The following SNX6 variants were observed in gnomAD, a reference collection of about 807,000 sequenced individuals.
The protein encoded by SNX6 is sorting nexin-6.
Under a neutral mutation model 63.0 loss-of-function variants are expected in SNX6, and 34 were observed. The ratio of observed to expected loss-of-function variants is 0.54; its 90% CI spans 0.41 to 0.72. SNX6 has a LOEUF of 0.72. Among genes scored for constraint, SNX6 ranks in the 30% least tolerant of loss-of-function variants. The pLI, the probability that SNX6 is intolerant of heterozygous loss-of-function variation, is 0.00. For missense variants in SNX6, 398 were observed against 471.4 expected, an observed-to-expected ratio of 0.84 and a Z score of 1.44; for synonymous variants, 170 against 164.2, an observed-to-expected ratio of 1.04 and a Z score of -0.27.
At chr14:34,625,415 G>A (rs1883788986) in intron 2 of SNX6, among the ~76,000 whole-genome samples, 1 of 152,072 alleles carries the variant, frequency 6.6e-6, no homozygotes, top group Non-Finnish European at 1.5e-5. Flanking sequence ...TGCACAAACA[G>A]AAACTCCTTG....
At chr14:34,629,746 G>A (rs971284793) in intron 2 of SNX6, 161 bp downstream of exon 2, 1 of 1,186,182 alleles carries the variant, frequency 8.4e-7, no homozygotes, top group Non-Finnish European at 1.2e-6. Flanking sequence ...AGGGAGGAAG[G>A]GCTGCGGGAG....
At position 34,593,065 on chromosome 14, in the gene SNX6, C is replaced by T. The variant is rs1277844702; in HGVS notation, c.698G>A (p.Arg233Lys). Residue 233 changes from arginine to lysine, a missense_variant, in exon 8 of 14, where the codon AGA (arginine) becomes AAA (lysine). Physicochemically the swap from Arg to Lys is conservative, Grantham distance 26. Transcript: ENST00000362031. ...RVKDASAKSD[R>K]MTRSHKSAAD... ...CTTACTTTTGTGGGATCTTGTCATTCTATCAGATTTAGCAGATGCATCCTT... is the reference window on the plus strand; with the variant it reads ...CTTACTTTTGTGGGATCTTGTCATTTTATCAGATTTAGCAGATGCATCCTT... 1.2e-6 allele frequency: 2 copies of T among 1,600,348 alleles called. No homozygotes were observed. Among genetic ancestry groups the T allele is most frequent in the Non-Finnish European group, 1.7e-6 (2 of 1,175,330 alleles).
chr14:34,591,037 A>G (rs1882371534), intron 8 of SNX6, among the ~76,000 whole-genome samples: 1 of 152,208 alleles, frequency 6.6e-6, no homozygotes, highest in Non-Finnish European at 1.5e-5. Flanking sequence ...CTATAGTGAC[A>G]GAAAGCAGAT....
intron 2 of SNX6, among the ~76,000 whole-genome samples, chr14:34,613,839 T>C (rs901761744): frequency 8.6e-5 from 13 of 150,694 alleles, no homozygotes; most frequent in African/African-American, 3.2e-4. Context: ...CCGCGTGTGG[T>C]GGCTCACGCC....
intron 10 of SNX6, among the ~76,000 whole-genome samples, chr14:34,576,452 A>ATT (rs761952812): frequency 2.7e-4 from 17 of 63,206 alleles, no homozygotes; most frequent in East Asian, 2.2e-3. Flanking sequence ...ATATATATAT[A>ATT]TTTTTTTTTT....
At chr14:34,580,188 A>G (rs1163341646) in intron 10 of SNX6, among the ~76,000 whole-genome samples, 2 of 152,196 alleles carry the variant, frequency 1.3e-5, no homozygotes, top group African/African-American at 2.4e-5. Flanking sequence ...TCCGTCTCAA[A>G]AACAAACAAA....
At chr14:34,594,927 A>G (rs1391541450) in intron 7 of SNX6, among the ~76,000 whole-genome samples, 1 of 151,900 alleles carries the variant, frequency 6.6e-6, no homozygotes, top group Admixed American at 6.6e-5. Flanking sequence ...CTCTGTCTCT[A>G]CAAAAAATAC....
At chr14:34,575,229 G>C (rs1239416373) in intron 11 of SNX6, among the ~76,000 whole-genome samples, 21 of 126,800 alleles carry the variant, frequency 1.7e-4, no homozygotes, top group Admixed American at 1.6e-3. Flanking sequence ...ACAGAGTTTC[G>C]CTCCTGTTGC....
intron 6 of SNX6, among the ~76,000 whole-genome samples, chr14:34,599,773 C>CAAAA (rs58894384): frequency 6.2e-5 from 8 of 129,328 alleles, no homozygotes; most frequent in African/African-American, 1.5e-4. Flanking sequence ...GACTCTGTCT[C>CAAAA]AAAAAAAAAA....
intron 13 of SNX6, among the ~76,000 whole-genome samples, chr14:34,564,936 CT>C (rs1881102770): frequency 6.6e-6 from 1 of 151,958 alleles, no homozygotes; most frequent in South Asian, 2.1e-4. Context: ...GTATTTTAGG[CT>C]GTTTCAACAA....
Position 34,603,333 on chromosome 14 carries a change from C to G in SNX6, c.516+15G>C, listed in dbSNP as rs890495744. The G allele has an allele frequency of 2.5e-6, 4 of 1,573,476 alleles. No homozygotes were observed. The highest frequency in any genetic ancestry group is 2.0e-5 in the Admixed American group (1 of 48,854). On this transcript the variant is annotated intron_variant, in intron 6 of 13. Transcript: ENST00000362031. ...AGAAAAAGAAAACTTGACCACCAATCAATGTGATACTCACATCTTGATTAT... is the reference window on the plus strand; with the variant it reads ...AGAAAAAGAAAACTTGACCACCAATGAATGTGATACTCACATCTTGATTAT...
chr14:34,597,175 G>A (rs61979718), intron 7 of SNX6, among the ~76,000 whole-genome samples: 1 of 152,148 alleles, frequency 6.6e-6, no homozygotes, highest in Non-Finnish European at 1.5e-5. Flanking sequence ...CCTGCCCCAT[G>A]GTAACCCCTT....
intron 4 of SNX6, 95 bp downstream of exon 4, chr14:34,607,935 A>C: frequency 1.6e-6 from 1 of 606,804 alleles, no homozygotes; most frequent in Non-Finnish European, 2.8e-6. Flanking sequence ...AAACAAAAAA[A>C]CAGTTCACAA....
chr14:34,577,992 T>C (rs553653348), intron 10 of SNX6, among the ~76,000 whole-genome samples: 15 of 152,164 alleles, frequency 9.9e-5, no homozygotes, highest in African/African-American at 3.6e-4. Flanking sequence ...TCATTTGAGG[T>C]CAGGAGTTCG....
At chr14:34,564,547 G>A (rs1881083112) in intron 13 of SNX6, among the ~76,000 whole-genome samples, 1 of 152,066 alleles carries the variant, frequency 6.6e-6, no homozygotes, top group Admixed American at 6.6e-5. Context: ...ATAGAATCTG[G>A]CCAGGCGCGG....
At chr14:34,614,607 T>C (rs996707629) in intron 2 of SNX6, among the ~76,000 whole-genome samples, 3 of 152,160 alleles carry the variant, frequency 2.0e-5, no homozygotes, top group Non-Finnish European at 4.4e-5. Flanking sequence ...TGTTAATATG[T>C]TGTTCTTAAT....
At chr14:34,575,877 C>T (rs1306320517) in intron 10 of SNX6, 35 bp from the exon 11 acceptor site, 15 of 1,219,804 alleles carry the variant, frequency 1.2e-5, no homozygotes, top group African/African-American at 1.5e-5. Flanking sequence ...ATTTAATCAA[C>T]AACTACATTC....
intron 8 of SNX6, among the ~76,000 whole-genome samples, chr14:34,592,085 CAT>C (rs1309130924): frequency 6.6e-6 from 1 of 152,172 alleles, no homozygotes; most frequent in South Asian, 2.1e-4. Context: ...GTGAAAGTCA[CAT>C]GTCTTAAAAA....
At chr14:34,629,819 TG>T in intron 2 of SNX6, 87 bp downstream of exon 2, 1 of 1,530,234 alleles carries the variant, frequency 6.5e-7, no homozygotes, top group Non-Finnish European at 8.8e-7. Context: ...GCCGCGCGGC[TG>T]GGGACCCATC....
Sources: gnomAD v4.1 joint callset for allele counts (sites outside exome capture counted in the v4.1 genomes callset) on GRCh38, gnomAD v4.1.1 for gene constraint, MANE v1.5 for transcripts, NCBI Gene and HGNC (gene_info 2026-07-23, HGNC 2026-07-21) for gene names.